CSRP2: variants seen among roughly 807,000 people sequenced by gnomAD.
CSRP2 encodes the protein cysteine and glycine-rich protein 2.
CSRP2 carries 18 observed loss-of-function variants against 24.6 expected under a neutral mutation model. That is an observed-to-expected ratio of 0.73 (90% CI 0.51 to 1.09). CSRP2 has a LOEUF of 1.09. Among genes scored for constraint, CSRP2 ranks in the 50% least tolerant of loss-of-function variants. The pLI, the probability that CSRP2 is intolerant of heterozygous loss-of-function variation, is 0.00. For missense variants in CSRP2, 215 were observed against 239.4 expected, an observed-to-expected ratio of 0.90 and a Z score of 0.67; for synonymous variants, 87 against 84.3, an observed-to-expected ratio of 1.03 and a Z score of -0.18.
chr12:76,859,075 T>A, intron 5 of CSRP2, 47 bp from the exon 6 acceptor site: 2 of 1,531,344 alleles, frequency 1.3e-6, no homozygotes, highest in Non-Finnish European at 1.8e-6. Flanking sequence ...TCCATTAAGC[T>A]TTGCTAGCAC....
Position 76,863,290 on chromosome 12 carries a change from A to C in CSRP2, c.167T>G (p.Ile56Ser), listed in dbSNP as rs1402877178. 12 of 1,614,184 alleles carry C rather than the reference A, an allele frequency of 7.4e-6. No homozygotes were observed. The highest frequency in any genetic ancestry group is 1.3e-5 in the African/African-American group (1 of 75,046). ...CTTTCCGTAGCAGGATTTGCAGTAG[A>C]TCTCTTCATCGTGAATTGCCACTGT... is the stretch of plus-strand genomic sequence containing the variant. ...STTVAIHDEE[I>S]YCKSCYGKKY... is the part of the protein sequence containing the mutation. Residue 56 changes from isoleucine to serine, a missense_variant, in exon 3 of 6, where the codon ATC becomes AGC. Coordinates refer to ENST00000311083, the MANE Select transcript of CSRP2 (RefSeq NM_001321.3).
At chr12:76,876,409 T>TA (rs1206240990) in intron 1 of CSRP2, among the ~76,000 whole-genome samples, 3 of 151,944 alleles carry the variant, frequency 2.0e-5, no homozygotes, top group African/African-American at 2.4e-5. Context: ...GGAAAAAATA[T>TA]AAAAAAAAGA....
chr12:76,871,311 C>G (rs1390797905), intron 1 of CSRP2, among the ~76,000 whole-genome samples: 1 of 152,202 alleles, frequency 6.6e-6, no homozygotes, highest in African/African-American at 2.4e-5. Flanking sequence ...TATCAGTACT[C>G]TAGTAGGAAA....
chr12:76,866,712 C>T (rs12813196), intron 1 of CSRP2, among the ~76,000 whole-genome samples: 147 of 152,174 alleles, frequency 9.7e-4, no homozygotes, highest in Non-Finnish European at 1.9e-3. Flanking sequence ...TTAATTGTAA[C>T]AACACTAAAT....
intron 1 of CSRP2, among the ~76,000 whole-genome samples, chr12:76,876,288 T>C (rs1342640402): frequency 1.3e-5 from 2 of 152,226 alleles, no homozygotes; most frequent in Non-Finnish European, 2.9e-5. Context: ...GAACCTGATA[T>C]CCTTTCCAGA....
At chr12:76,865,829 C>A in intron 2 of CSRP2, 1 of 269,200 alleles carries the variant, frequency 3.7e-6, no homozygotes, top group African/African-American at 2.2e-5. Context: ...TTGTAATGTG[C>A]CAGAAACTGT....
chr12:76,858,958 G>A lies in CSRP2; in HGVS notation c.576C>T (p.Ala192=). ...TTAGTTCAGGGTTTACATCTTACTG[G>A]GCATGAACAAGAGCCCCTGCTCCTT... ...YGQGAGALVH[A]Q The change falls in exon 6 of 6, where the codon GCC becomes GCT. Residue 192 remains alanine, a synonymous_variant. Transcript: ENST00000311083. 1 of 1,613,816 alleles carries A rather than the reference G, an allele frequency of 6.2e-7. No homozygotes were observed. Among genetic ancestry groups the A allele is most frequent in the Non-Finnish European group, 8.5e-7 (1 of 1,179,704 alleles).
chr12:76,865,188 AT>A (rs1953722972), intron 2 of CSRP2, among the ~76,000 whole-genome samples: 1 of 152,234 alleles, frequency 6.6e-6, no homozygotes, highest in Non-Finnish European at 1.5e-5. Context: ...TGGTGTAGAC[AT>A]TGTGGCTTAA....
chr12:76,876,131 T>C (rs1258183865), intron 1 of CSRP2, among the ~76,000 whole-genome samples: 1 of 152,224 alleles, frequency 6.6e-6, no homozygotes, highest in East Asian at 1.9e-4. Flanking sequence ...TATTTTCTTT[T>C]GGAAGTACTG....
At chr12:76,859,399 CTG>C in intron 5 of CSRP2, 146 bp downstream of exon 5, 2 of 620,952 alleles carry the variant, frequency 3.2e-6, no homozygotes, top group Non-Finnish European at 5.7e-6. Context: ...CTGTGGTTCT[CTG>C]TCATCTATAA....
At position 76,860,163 on chromosome 12, in the gene CSRP2, A is replaced by G. The variant is rs1008428731; in HGVS notation, c.411+121T>C. 5 of 1,061,824 alleles carry G rather than the reference A, an allele frequency of 4.7e-6. No homozygotes were observed. The African/African-American group carries it at 4.8e-5, about 10-fold the overall frequency. The allele number at this position is 1,061,824 out of a possible 1,614,324, so 65.8% of individuals were successfully genotyped here. On this transcript the variant is annotated intron_variant, in intron 4 of 5. Coordinates refer to ENST00000311083, the MANE Select transcript of CSRP2 (RefSeq NM_001321.3). ...ATTCTGATGGAAATGCATTTAAAGAAAAGTTTCATATAAGACAGTGATTTG... is the reference window on the plus strand; with the variant it reads ...ATTCTGATGGAAATGCATTTAAAGAGAAGTTTCATATAAGACAGTGATTTG...
At chr12:76,876,722 T>G (rs1953855653) in intron 1 of CSRP2, among the ~76,000 whole-genome samples, 1 of 152,190 alleles carries the variant, frequency 6.6e-6, no homozygotes, top group Non-Finnish European at 1.5e-5. Context: ...TGTGAACATC[T>G]GCACAGAGAA....
At position 76,858,966 on chromosome 12, in the gene CSRP2, C is replaced by T; in HGVS notation, c.568G>A (p.Val190Ile). The T allele has an allele frequency of 1.9e-6, 3 of 1,614,174 alleles. No homozygotes were observed. The highest frequency in any genetic ancestry group is 2.5e-6 in the Non-Finnish European group (3 of 1,179,984). The change falls in exon 6 of 6, where the codon GTT becomes ATT. Residue 190 changes from valine to isoleucine, a missense_variant. By Grantham distance (29) the Val-to-Ile change is conservative. Transcript: ENST00000311083. Reference protein sequence around the residue: ...FGYGQGAGALVHAQ With the variant: ...FGYGQGAGALIHAQ The stretch of plus-strand genomic sequence containing the variant: ...GGGTTTACATCTTACTGGGCATGAA[C>T]AAGAGCCCCTGCTCCTTGGCCATAG...
chr12:76,877,977 C>T (rs1453689046), intron 1 of CSRP2, among the ~76,000 whole-genome samples: 2 of 138,124 alleles, frequency 1.4e-5, no homozygotes, highest in South Asian at 5.5e-4. Context: ...CCCCCACCCC[C>T]CAAAAAAAAT....
intron 2 of CSRP2, chr12:76,864,496 A>C (rs1054281517): frequency 2.0e-5 from 3 of 152,214 alleles, no homozygotes; most frequent in Middle Eastern, 3.2e-3. Flanking sequence ...GTAACAAAAA[A>C]ATAATAAATG....
intron 3 of CSRP2, chr12:76,861,670 G>A (rs1953680288): frequency 6.6e-6 from 1 of 152,170 alleles, no homozygotes; most frequent in African/African-American, 2.4e-5. Flanking sequence ...AGAACACAGA[G>A]GTGAGCCTCA....
In CSRP2 at chr12:76,863,312, C is replaced by G. The variant is rs775529255; in HGVS notation, c.145G>C (p.Val49Leu). Reference protein sequence around the residue: ...VCRKNLDSTTVAIHDEEIYCK... With the variant: ...VCRKNLDSTTLAIHDEEIYCK... ...TAGATCTCTTCATCGTGAATTGCCA[C>G]TGTTGTGCTATCTAAATTTTTCCTG... The change falls in exon 3 of 6, where the codon GTG becomes CTG. Residue 49 changes from valine to leucine, a missense_variant. Transcript: ENST00000311083. The G allele has an allele frequency of 1.2e-6, 2 of 1,614,210 alleles. No homozygotes were observed. Among genetic ancestry groups the G allele is most frequent in the Non-Finnish European group, 8.5e-7 (1 of 1,180,030 alleles).
intron 4 of CSRP2, 21 bp from the exon 5 acceptor site, chr12:76,859,661 A>T: frequency 6.3e-7 from 1 of 1,583,614 alleles, no homozygotes; most frequent in Non-Finnish European, 8.6e-7. Flanking sequence ...TGAATGTGTC[A>T]GCATGTTTGA....
rs548686771 is a variant in CSRP2, at chr12:76,863,228, C to T, written c.229G>A (p.Ala77Thr). 2.2e-5 allele frequency: 36 copies of T among 1,614,216 alleles called. No individual in the cohort carries two copies. Among genetic ancestry groups the T allele is most frequent in the Admixed American group, 3.3e-5 (2 of 60,032 alleles). ...CCACGGTCCATGTTAAGCGTGCCAG[C>T]GCCCTGGCCATAACCGTAGCCTTTT... Reference protein sequence around the residue: ...GPKGYGYGQGAGTLNMDRGER... With the variant: ...GPKGYGYGQGTGTLNMDRGER... The change falls in exon 3 of 6, where the codon GCT becomes ACT. Residue 77 changes from alanine to threonine, a missense_variant. Ala to Thr is a moderately conservative substitution (Grantham distance 58, BLOSUM62 0). Coordinates refer to ENST00000311083, the MANE Select transcript of CSRP2 (RefSeq NM_001321.3).
Sources: allele counts gnomAD v4.1 joint callset (sites outside exome capture counted in the v4.1 genomes callset), GRCh38; gene constraint gnomAD v4.1.1; transcripts MANE v1.5; gene names NCBI Gene and HGNC (gene_info 2026-07-23, HGNC 2026-07-21).